Variants in VPS33A observed in about 807,000 individuals in gnomAD.
The protein encoded by VPS33A is VPS33A core subunit of CORVET and HOPS complexes.
In VPS33A, 32 loss-of-function variants were observed where a neutral mutation model predicts 71.8. The ratio of observed to expected loss-of-function variants is 0.45; its 90% CI spans 0.34 to 0.60. VPS33A has a LOEUF of 0.60. Among genes scored for constraint, VPS33A ranks in the 20% least tolerant of loss-of-function variants. The pLI is 0.02. For synonymous variants in VPS33A, 311 were observed against 292.7 expected (o/e 1.06, Z -0.64); for missense variants, 625 against 748.5 (o/e 0.84, Z 1.92).
intron 4 of VPS33A, among the ~76,000 whole-genome samples, chr12:122,256,395 G>A (rs1180018523): frequency 6.6e-6 from 1 of 151,908 alleles, no homozygotes; most frequent in Non-Finnish European, 1.5e-5. Flanking sequence ...CCAACATGGT[G>A]AAACCCCATC....
chr12:122,247,319 C>T (rs1052009823), intron 6 of VPS33A, among the ~76,000 whole-genome samples: 1 of 151,934 alleles, frequency 6.6e-6, no homozygotes, highest in African/African-American at 2.4e-5. Flanking sequence ...ACTCCCAGGC[C>T]GCCTCTCCCC....
chr12:122,238,996 T>TACATAC (rs1954671022), intron 9 of VPS33A, among the ~76,000 whole-genome samples: 1 of 137,108 alleles, frequency 7.3e-6, no homozygotes, highest in African/African-American at 2.6e-5. Flanking sequence ...CATACATACA[T>TACATAC]ACACACACAC....
chr12:122,261,096 G>C (rs1480985145), intron 4 of VPS33A, among the ~76,000 whole-genome samples, 165 bp downstream of exon 4: 1 of 152,050 alleles, frequency 6.6e-6, no homozygotes, highest in African/African-American at 2.4e-5. Context: ...TACTCAAAAA[G>C]AAAAAACGGG....
chr12:122,248,060 C>CTGTGTGTGTGTGTGTG lies in VPS33A; in HGVS notation c.775+1795_775+1810dup, dbSNP rs34574719. 1.8e-3 allele frequency: 269 copies of CTGTGTGTGTGTGTGTG among 148,426 alleles called. 1 individual carries two copies. Among genetic ancestry groups the CTGTGTGTGTGTGTGTG allele is most frequent in the African/African-American group, 5.8e-3 (230 of 39,984 alleles). The allele number at this position is 148,426 out of a possible 1,614,324, so 9.2% of individuals were successfully genotyped here. On this transcript the variant is annotated intron_variant, in intron 6 of 12. Coordinates refer to ENST00000267199, the MANE Select transcript of VPS33A (RefSeq NM_022916.6). ...TACAGGCATGCGCCACCAAATCCAGCTGTGTGTGTGTGTGTGTGTGTGTGT... is the reference window on the plus strand; with the variant it reads ...TACAGGCATGCGCCACCAAATCCAGCTGTGTGTGTGTGTGTGTGTGTGTGTGTGTGTGTGTGTGTGT...
At chr12:122,258,480 G>C (rs1954947592) in intron 4 of VPS33A, among the ~76,000 whole-genome samples, 1 of 152,058 alleles carries the variant, frequency 6.6e-6, no homozygotes, top group African/African-American at 2.4e-5. Context: ...CTTGCATTTA[G>C]AATCTATTAA....
At chr12:122,239,305 T>C (rs897027468) in intron 9 of VPS33A, among the ~76,000 whole-genome samples, 3 of 152,212 alleles carry the variant, frequency 2.0e-5, no homozygotes, top group African/African-American at 4.8e-5. Flanking sequence ...CCTTATCTAA[T>C]ACAGTCTTAA....
intron 7 of VPS33A, among the ~76,000 whole-genome samples, chr12:122,243,284 C>T (rs895081541): frequency 5.3e-5 from 8 of 152,002 alleles, no homozygotes; most frequent in Non-Finnish European, 8.8e-5. Flanking sequence ...GGGTCTCTGT[C>T]GCCCAGGCTG....
At chr12:122,236,712 A>G (rs979375803) in intron 10 of VPS33A, among the ~76,000 whole-genome samples, 3 of 152,240 alleles carry the variant, frequency 2.0e-5, no homozygotes, top group Non-Finnish European at 2.9e-5. Context: ...TGGTCTAAGC[A>G]CTTACATACA....
chr12:122,232,442 T>C lies in VPS33A; in HGVS notation c.1610-15A>G. On this transcript the variant is annotated splice_polypyrimidine_tract_variant and intron_variant, in intron 12 of 12. Coordinates refer to ENST00000267199, the MANE Select transcript of VPS33A (RefSeq NM_022916.6). ...TCCCGGTTGACCTAAAATTTAAACA[T>C]TTCAGAATTAAAAACTATTTATTAT... The C allele has an allele frequency of 4.4e-6, 7 of 1,603,970 alleles. No homozygotes were observed. The highest frequency in any genetic ancestry group is 6.0e-6 in the Non-Finnish European group (7 of 1,175,950).
intron 8 of VPS33A, 73 bp from the exon 9 acceptor site, chr12:122,240,018 C>A: frequency 1.7e-6 from 2 of 1,173,310 alleles, no homozygotes; most frequent in Non-Finnish European, 2.5e-6. Context: ...CTTTTATACA[C>A]AGAGCACGAT....
At chr12:122,255,730 A>AAAAAAC (rs1954908573) in intron 4 of VPS33A, among the ~76,000 whole-genome samples, 1 of 151,464 alleles carries the variant, frequency 6.6e-6, no homozygotes, top group Non-Finnish European at 1.5e-5. Context: ...AAAAAAAAAA[A>AAAAAAC]AAGCCAAGAA....
intron 6 of VPS33A, chr12:122,249,254 C>T (rs1221300918): frequency 2.6e-5 from 4 of 152,060 alleles, no homozygotes; most frequent in African/African-American, 9.6e-5. Context: ...GAGACAGTCT[C>T]ACTCTGTCGC....
chr12:122,263,794 C>A, intron 2 of VPS33A, 95 bp from the exon 3 acceptor site: 1 of 1,369,862 alleles, frequency 7.3e-7, no homozygotes, highest in Non-Finnish European at 9.7e-7. Context: ...ATCAAGTGCA[C>A]ATTAATATTT....
intron 6 of VPS33A, among the ~76,000 whole-genome samples, chr12:122,246,614 A>G (rs199999201): frequency 2.0e-4 from 18 of 88,572 alleles, no homozygotes; most frequent in Non-Finnish European, 4.6e-4. Context: ...TTGGTTTTTT[A>G]ATTGAGACAC....
chr12:122,239,778 A>AAAAAAAAAAG, intron 9 of VPS33A, 100 bp downstream of exon 9: 1 of 596,984 alleles, frequency 1.7e-6, no homozygotes, highest in Non-Finnish European at 2.8e-6. Context: ...AAAAAAAAAA[A>AAAAAAAAAAG]AGGCAAGGCA....
chr12:122,256,121 A>AT (rs1566049669), intron 4 of VPS33A, among the ~76,000 whole-genome samples: 1 of 151,850 alleles, frequency 6.6e-6, no homozygotes, highest in African/African-American at 2.4e-5. Context: ...AATAAGTTTC[A>AT]TTTTTCCCCC....
chr12:122,251,564 T>A (rs918960326), intron 4 of VPS33A, among the ~76,000 whole-genome samples: 2 of 152,176 alleles, frequency 1.3e-5, no homozygotes, highest in African/African-American at 2.4e-5. Flanking sequence ...CAGATTTTCA[T>A]GACAACTGAC....
At chr12:122,253,550 CA>C (rs35143468) in intron 4 of VPS33A, 3,688 of 83,254 alleles carry the variant, frequency 0.044, 113 homozygotes, top group Middle Eastern at 0.17. Flanking sequence ...AAGACTGTCT[CA>C]AAAAAAAAAA....
At chr12:122,257,872 G>C (rs1223825562) in intron 4 of VPS33A, among the ~76,000 whole-genome samples, 1 of 152,044 alleles carries the variant, frequency 6.6e-6, no homozygotes, top group Non-Finnish European at 1.5e-5. Flanking sequence ...CAGACATATA[G>C]ATCAGTGAAA....
Sources: allele counts gnomAD v4.1 joint callset (sites outside exome capture counted in the v4.1 genomes callset), GRCh38; gene constraint gnomAD v4.1.1; transcripts MANE v1.5; gene names NCBI Gene and HGNC (gene_info 2026-07-23, HGNC 2026-07-21).